CSMD1: variants seen among roughly 807,000 people sequenced by gnomAD.
The protein encoded by CSMD1 is CUB and sushi domain-containing protein 1.
Under a neutral mutation model 417.5 loss-of-function variants are expected in CSMD1, and 213 were observed. The ratio of observed to expected loss-of-function variants is 0.51; its 90% CI spans 0.46 to 0.57. The LOEUF (loss-of-function observed/expected upper bound fraction) is 0.57. Ranked by LOEUF, CSMD1 falls within the 20% of genes least tolerant of loss-of-function variation. The pLI is 0.00. For missense variants in CSMD1, 6,923 were observed against 4,529.7 expected (o/e 1.53, Z -15.17); for synonymous variants, 2,862 against 1,736.8 (o/e 1.65, Z -16.11).
chr8:4,732,333 A>C (rs548763267), intron 1 of CSMD1, among the ~76,000 whole-genome samples: 6 of 124,220 alleles, frequency 4.8e-5, no homozygotes, highest in Non-Finnish European at 1.0e-4. Flanking sequence ...AATAGATTTA[A>C]ATTTCTTCTG....
chr8:3,215,488 G>C (rs930981563), intron 29 of CSMD1, among the ~76,000 whole-genome samples: 1 of 152,182 alleles, frequency 6.6e-6, no homozygotes, highest in Non-Finnish European at 1.5e-5. Context: ...AGGATCATAA[G>C]AATGTAAAAC....
intron 8 of CSMD1, among the ~76,000 whole-genome samples, chr8:3,593,147 G>C (rs1280474849): frequency 6.6e-6 from 1 of 152,236 alleles, no homozygotes; most frequent in African/African-American, 2.4e-5. Context: ...GGTGATAAGT[G>C]TGATGGTGGC....
intron 10 of CSMD1, among the ~76,000 whole-genome samples, chr8:3,549,394 G>C (rs1245464766): frequency 6.6e-6 from 1 of 152,096 alleles, no homozygotes; most frequent in Non-Finnish European, 1.5e-5. Flanking sequence ...TTCTACTCTG[G>C]CCTGATGATG....
intron 50 of CSMD1, among the ~76,000 whole-genome samples, chr8:3,049,088 C>T (rs1811647514): frequency 1.3e-5 from 2 of 152,110 alleles, no homozygotes; most frequent in African/African-American, 4.8e-5. Context: ...GCACCAGATG[C>T]TCGCGACAAC....
intron 5 of CSMD1, among the ~76,000 whole-genome samples, chr8:3,927,894 G>A (rs558500251): frequency 6.6e-6 from 1 of 151,934 alleles, no homozygotes; most frequent in Non-Finnish European, 1.5e-5. Flanking sequence ...AGAGTCGAAG[G>A]TTACCTAAAA....
intron 2 of CSMD1, among the ~76,000 whole-genome samples, chr8:4,465,440 C>T (rs1232746318): frequency 6.6e-6 from 1 of 152,114 alleles, no homozygotes; most frequent in African/African-American, 2.4e-5. Flanking sequence ...CCATTGACAC[C>T]ATCCTGCCTT....
At chr8:3,771,110 A>G (rs1477305048) in intron 5 of CSMD1, among the ~76,000 whole-genome samples, 2 of 151,950 alleles carry the variant, frequency 1.3e-5, no homozygotes, top group African/African-American at 4.8e-5. Flanking sequence ...GATCTTGAAA[A>G]ACTGTATCCA....
chr8:4,275,658 G>C (rs773168082), intron 3 of CSMD1, among the ~76,000 whole-genome samples: 1 of 152,062 alleles, frequency 6.6e-6, no homozygotes, highest in Non-Finnish European at 1.5e-5. Flanking sequence ...TGCAAATAAT[G>C]CAAAAATTGT....
At chr8:4,965,108 T>C (rs1809774328) in intron 1 of CSMD1, among the ~76,000 whole-genome samples, 1 of 152,198 alleles carries the variant, frequency 6.6e-6, no homozygotes, top group Non-Finnish European at 1.5e-5. Flanking sequence ...TTATGTAATG[T>C]GAATATGCAC....
intron 3 of CSMD1, among the ~76,000 whole-genome samples, chr8:4,180,105 C>G (rs1472185818): frequency 2.6e-5 from 4 of 152,106 alleles, no homozygotes; most frequent in South Asian, 4.1e-4. Flanking sequence ...ATAAATCATG[C>G]TGCTATGAAG....
At chr8:4,157,082 G>A (rs972061371) in intron 3 of CSMD1, among the ~76,000 whole-genome samples, 3 of 152,164 alleles carry the variant, frequency 2.0e-5, no homozygotes, top group South Asian at 4.1e-4. Context: ...ACCCGCCATG[G>A]CCAGGGTGAC....
At chr8:3,097,892 T>C (rs1041047643) in intron 46 of CSMD1, among the ~76,000 whole-genome samples, 1 of 152,234 alleles carries the variant, frequency 6.6e-6, no homozygotes, top group Non-Finnish European at 1.5e-5. Context: ...GGAGCCCTGA[T>C]TCCTAAGGGA....
chr8:4,205,831 A>G (rs756965898), intron 3 of CSMD1, among the ~76,000 whole-genome samples: 5 of 152,220 alleles, frequency 3.3e-5, no homozygotes, highest in Non-Finnish European at 7.3e-5. Flanking sequence ...CTCCCCCATT[A>G]ACATATGAGT....
chr8:4,345,591 G>C (rs1165247679), intron 3 of CSMD1, among the ~76,000 whole-genome samples: 1 of 151,818 alleles, frequency 6.6e-6, no homozygotes, highest in African/African-American at 2.4e-5. Context: ...AAATATATGA[G>C]GAAATCACAG....
intron 1 of CSMD1, among the ~76,000 whole-genome samples, chr8:4,832,128 G>A (rs1306238408): frequency 2.6e-5 from 4 of 152,158 alleles, no homozygotes; most frequent in Non-Finnish European, 1.5e-5. Context: ...GAACTGGCAT[G>A]TATCTCTGTT....
chr8:4,791,996 T>C (rs762823315), intron 1 of CSMD1, among the ~76,000 whole-genome samples: 3 of 152,158 alleles, frequency 2.0e-5, no homozygotes, highest in African/African-American at 4.8e-5. Context: ...ATAGTGTGTG[T>C]CTCAAAGGTT....
At chr8:3,057,690 G>C (rs1236274120) in intron 49 of CSMD1, among the ~76,000 whole-genome samples, 1 of 152,052 alleles carries the variant, frequency 6.6e-6, no homozygotes, top group Non-Finnish European at 1.5e-5. Flanking sequence ...TTTTCCCCAA[G>C]TCTAATAGTC....
chr8:4,755,934 C>T (rs1274557184), intron 1 of CSMD1, among the ~76,000 whole-genome samples: 1 of 152,160 alleles, frequency 6.6e-6, no homozygotes. Context: ...CTACACATTA[C>T]CTAAAACACT....
chr8:4,464,075 G>C (rs564186117), intron 2 of CSMD1, among the ~76,000 whole-genome samples: 36 of 152,200 alleles, frequency 2.4e-4, no homozygotes, highest in African/African-American at 6.7e-4. Flanking sequence ...AAGACTGAAA[G>C]AAACAGGTTT....
Sources: gnomAD v4.1 joint callset for allele counts (sites outside exome capture counted in the v4.1 genomes callset) on GRCh38, gnomAD v4.1.1 for gene constraint, MANE v1.5 for transcripts, NCBI Gene and HGNC (gene_info 2026-07-23, HGNC 2026-07-21) for gene names.